Variants in LIN9 observed in about 807,000 individuals in gnomAD.
LIN9 encodes protein lin-9 homolog.
In LIN9, 18 loss-of-function variants were observed where a neutral mutation model predicts 78.0. The ratio of observed to expected loss-of-function variants is 0.23; its 90% CI spans 0.16 to 0.34. The LOEUF (loss-of-function observed/expected upper bound fraction) is 0.34. Among genes scored for constraint, LIN9 ranks in the 10% least tolerant of loss-of-function variants. The pLI is 1.00. For missense variants in LIN9, 451 were observed against 644.1 expected, an observed-to-expected ratio of 0.70 and a Z score of 3.25; for synonymous variants, 192 against 215.2, an observed-to-expected ratio of 0.89 and a Z score of 0.94.
chr1:226,280,628 A>G (rs1247488719), intron 6 of LIN9, among the ~76,000 whole-genome samples: 1 of 152,148 alleles, frequency 6.6e-6, no homozygotes, highest in Non-Finnish European at 1.5e-5. Context: ...CACAAAAATT[A>G]GCTAGGCGTG....
At chr1:226,238,410 C>T (rs748555480) in intron 12 of LIN9, among the ~76,000 whole-genome samples, 5 of 152,122 alleles carry the variant, frequency 3.3e-5, no homozygotes, top group Non-Finnish European at 7.3e-5. Flanking sequence ...GTAGGAGGAT[C>T]GCTTGAGCCC....
intron 14 of LIN9, chr1:226,232,870 C>G (rs1470478779): frequency 2.0e-6 from 1 of 493,986 alleles, no homozygotes; most frequent in Non-Finnish European, 3.5e-6. Context: ...GCTCAACCTC[C>G]ATGCTGACCC....
chr1:226,284,764 A>C (rs1039130705), intron 6 of LIN9, among the ~76,000 whole-genome samples: 1 of 152,116 alleles, frequency 6.6e-6, no homozygotes, highest in South Asian at 2.1e-4. Flanking sequence ...TTTTATTGGG[A>C]CTGATTTTAA....
At chr1:226,238,565 C>T (rs184373546) in intron 12 of LIN9, among the ~76,000 whole-genome samples, 5 of 151,654 alleles carry the variant, frequency 3.3e-5, no homozygotes, top group Admixed American at 2.0e-4. Context: ...GGCTGTAGTT[C>T]GCCAAGATTG....
At chr1:226,293,631 G>C (rs1661931116) in intron 4 of LIN9, among the ~76,000 whole-genome samples, 1 of 152,182 alleles carries the variant, frequency 6.6e-6, no homozygotes, top group African/African-American at 2.4e-5. Context: ...CCTTGCTGGA[G>C]TGTACAGCTG....
chr1:226,288,066 G>T (rs1661488684), intron 4 of LIN9, among the ~76,000 whole-genome samples: 1 of 151,942 alleles, frequency 6.6e-6, no homozygotes, highest in South Asian at 2.1e-4. Flanking sequence ...CTGCCTCCCG[G>T]GTTCAAGCTA....
chr1:226,309,324 G>A (rs1374834819), upstream of LIN9: 89 of 1,003,860 alleles, frequency 8.9e-5, no homozygotes, highest in Non-Finnish European at 1.0e-4. Context: ...AGGAGGTGCC[G>A]CCGAAGGGGG....
rs527375303 is a variant in LIN9 at position 226,293,261 on chromosome 1, T to C, written c.264+2581A>G. ...CATATCATGTTTATCCTACATTATATTTGTTCTGTATTGCTCAGAATTCTC... is the reference window on the plus strand; with the variant it reads ...CATATCATGTTTATCCTACATTATACTTGTTCTGTATTGCTCAGAATTCTC... On this transcript the variant is annotated intron_variant, in intron 4 of 14. Coordinates refer to ENST00000681046, the MANE Select transcript of LIN9 (RefSeq NM_001366245.2). Among the ~76,000 whole-genome samples the C allele has an allele frequency of 2.0e-5, 3 of 152,312 alleles. No individual in the cohort carries two copies. In the East Asian group the frequency reaches 5.8e-4, roughly 29 times the overall value.
intron 7 of LIN9, 26 bp from the exon 8 acceptor site, chr1:226,268,116 A>T: frequency 6.2e-7 from 1 of 1,608,466 alleles, no homozygotes; most frequent in Non-Finnish European, 8.5e-7. Flanking sequence ...AGGCATTATG[A>T]TGTGTGGGAG....
chr1:226,284,365 T>C (rs890436447), intron 6 of LIN9, among the ~76,000 whole-genome samples: 4 of 152,172 alleles, frequency 2.6e-5, no homozygotes, highest in African/African-American at 9.6e-5. Flanking sequence ...ATTACTTTGC[T>C]TTTTCAGAAT....
intron 12 of LIN9, among the ~76,000 whole-genome samples, chr1:226,237,620 G>T (rs1342079922): frequency 5.3e-4 from 44 of 83,702 alleles, no homozygotes; most frequent in Middle Eastern, 0.026. Flanking sequence ...CAACAAGGGC[G>T]AAACTCTGTC....
intron 13 of LIN9, 30 bp downstream of exon 13, chr1:226,233,314 A>T: frequency 1.3e-6 from 2 of 1,582,248 alleles, no homozygotes; most frequent in Non-Finnish European, 1.7e-6. Context: ...CTTTGTGTCA[A>T]ATTAAGAAAA....
At chr1:226,266,382 T>G (rs551560676) in intron 8 of LIN9, 50 bp from the exon 9 acceptor site, 1 of 1,494,108 alleles carries the variant, frequency 6.7e-7, no homozygotes, top group East Asian at 2.4e-5. Flanking sequence ...ACCAATCATT[T>G]AAGCTTTATA....
chr1:226,308,141 A>C (rs1288498897), intron 1 of LIN9, among the ~76,000 whole-genome samples: 2 of 152,266 alleles, frequency 1.3e-5, no homozygotes, highest in African/African-American at 4.8e-5. Context: ...TGAATAGTGA[A>C]AGTGGATTCA....
intron 10 of LIN9, 89 bp from the exon 11 acceptor site, chr1:226,251,008 C>T (rs2102867222): frequency 1.5e-6 from 1 of 652,280 alleles, no homozygotes; most frequent in Non-Finnish European, 2.7e-6. Context: ...TAGTAAGATA[C>T]TTCAGCAATA....
intron 7 of LIN9, among the ~76,000 whole-genome samples, chr1:226,268,382 T>C (rs1293184745): frequency 6.6e-6 from 1 of 151,974 alleles, no homozygotes; most frequent in African/African-American, 2.4e-5. Context: ...CAAAAGAACT[T>C]TGGTCATTAT....
rs777317587 is a variant in LIN9 at position 226,238,956 on chromosome 1, A to G, written c.1245+15T>C. The G allele has an allele frequency of 1.2e-6, 2 of 1,606,950 alleles. No individual in the cohort carries two copies. The highest frequency in any genetic ancestry group is 1.7e-6 in the Non-Finnish European group (2 of 1,176,842). ...CAAATACAAATATGGAGGGAAATCT[A>G]TACATATCACTTACCTCATAGCAAT... is the stretch of plus-strand genomic sequence containing the variant. On this transcript the variant is annotated intron_variant, in intron 12 of 14. Coordinates refer to ENST00000681046, the MANE Select transcript of LIN9 (RefSeq NM_001366245.2).
chr1:226,259,745 T>C (rs1659444828), intron 10 of LIN9, among the ~76,000 whole-genome samples: 1 of 151,364 alleles, frequency 6.6e-6, no homozygotes, highest in Non-Finnish European at 1.5e-5. Context: ...AAAAGACAAC[T>C]TGTCAAAATT....
intron 11 of LIN9, among the ~76,000 whole-genome samples, chr1:226,245,102 G>A (rs1427609488): frequency 6.6e-6 from 1 of 152,144 alleles, no homozygotes; most frequent in African/African-American, 2.4e-5. Context: ...TTCACCATCT[G>A]AAGGCTCACT....
Sources: gnomAD v4.1 joint callset for allele counts (sites outside exome capture counted in the v4.1 genomes callset) on GRCh38, gnomAD v4.1.1 for gene constraint, MANE v1.5 for transcripts, NCBI Gene and HGNC (gene_info 2026-07-23, HGNC 2026-07-21) for gene names.